Variants in BRPF3 observed in about 807,000 individuals in gnomAD.
BRPF3 encodes the protein bromodomain and PHD finger-containing protein 3.
Under a neutral mutation model 102.0 loss-of-function variants are expected in BRPF3, and 18 were observed. The ratio of observed to expected loss-of-function variants is 0.18; its 90% confidence interval spans 0.12 to 0.26. BRPF3 has a LOEUF of 0.26. BRPF3 is among the 10% of genes least tolerant of loss of function. The pLI, the probability that BRPF3 is intolerant of heterozygous loss-of-function variation, is 1.00. For missense variants in BRPF3, 1,147 were observed against 1,567.8 expected (o/e 0.73, Z 4.53); for synonymous variants, 570 against 614.2 (o/e 0.93, Z 1.06).
intron 8 of BRPF3, among the ~76,000 whole-genome samples, chr6:36,216,075 T>A (rs6457892): frequency 6.6e-5 from 10 of 152,116 alleles, no homozygotes; most frequent in African/African-American, 2.2e-4. Context: ...AAGGCCTGGA[T>A]TTAGGCATAC....
At chr6:36,198,433 A>T (rs762157361) in intron 1 of BRPF3, among the ~76,000 whole-genome samples, 1 of 152,148 alleles carries the variant, frequency 6.6e-6, no homozygotes, top group Non-Finnish European at 1.5e-5. Flanking sequence ...TTTGTACCAG[A>T]CCATAGCACC....
In BRPF3 at chr6:36,211,266, A is replaced by G. The variant is rs1015693261; in HGVS notation, c.2188A>G (p.Ile730Val). Residue 730 changes from isoleucine to valine, a missense_variant, in exon 7 of 13, where the codon ATC becomes GTC. Physicochemically the swap from Ile to Val is conservative, Grantham distance 29. Coordinates refer to ENST00000357641, the MANE Select transcript of BRPF3 (RefSeq NM_015695.3). The part of the protein sequence containing the change: ...YRFSWEDVDN[I>V]LIPENRAHLS... ...TCCCTTCTCCCTGGCAGTGGACAAC[A>G]TCCTCATCCCAGAGAACCGGGCCCA... 3 of 1,613,230 alleles carry G rather than the reference A, an allele frequency of 1.9e-6. No individual in the cohort carries two copies. The highest frequency in any genetic ancestry group is 1.7e-4 in the Middle Eastern group (1 of 6,042).
At position 36,230,334 on chromosome 6, in the gene BRPF3, G is replaced by A; in HGVS notation, c.3435-92G>A. 7.5e-7 allele frequency: 1 copy of A among 1,335,176 alleles called. No individual in the cohort carries two copies. Among genetic ancestry groups the A allele is most frequent in the Non-Finnish European group, 1.1e-6 (1 of 950,486 alleles). 82.7% of individuals were successfully genotyped at this position (1,335,176 alleles called of 1,614,324 possible). On this transcript the variant is annotated intron_variant, in intron 12 of 12. Transcript: ENST00000357641. The surrounding 1 kb of genome is among the most constrained non-coding windows in gnomAD (Gnocchi z 5.4). The stretch of plus-strand genomic sequence containing the variant: ...CCCTCTGCCCTGTACCCTCTCCCTG[G>A]CTTTGCTGGTCCTGGCCAAGTGGGG...
intron 8 of BRPF3, among the ~76,000 whole-genome samples, chr6:36,214,878 G>A (rs1294606678): frequency 1.3e-5 from 2 of 152,130 alleles, no homozygotes; most frequent in African/African-American, 4.8e-5. Context: ...GGTTTTCTAA[G>A]GAGGTAACGT....
intron 8 of BRPF3, among the ~76,000 whole-genome samples, chr6:36,217,418 C>G (rs969693851): frequency 2.0e-5 from 3 of 152,202 alleles, no homozygotes; most frequent in African/African-American, 7.2e-5. Flanking sequence ...TCTCTAGTCT[C>G]TCTTGACACC....
chr6:36,209,976 G>A, intron 5 of BRPF3, 61 bp downstream of exon 5: 1 of 1,597,542 alleles, frequency 6.3e-7, no homozygotes. Flanking sequence ...GGTCTGAGTA[G>A]GCTAGGAAGG....
At chr6:36,217,842 T>G (rs1581977065) in intron 8 of BRPF3, 75 bp from the exon 9 acceptor site, 1 of 1,296,670 alleles carries the variant, frequency 7.7e-7, no homozygotes, top group African/African-American at 1.5e-5. Context: ...CCTCCTGAGG[T>G]GGCTGCCTCA....
intron 8 of BRPF3, among the ~76,000 whole-genome samples, chr6:36,215,778 C>T (rs1768309013): frequency 6.6e-6 from 1 of 152,030 alleles, no homozygotes; most frequent in Non-Finnish European, 1.5e-5. Context: ...GGAGCCAAGA[C>T]TGGATGGGTG....
chr6:36,205,234 G>A (rs1006980969), intron 3 of BRPF3, among the ~76,000 whole-genome samples: 2 of 152,228 alleles, frequency 1.3e-5, no homozygotes, highest in African/African-American at 4.8e-5. Context: ...CTAAGTTGTA[G>A]CACACAGCCT....
In BRPF3 at chr6:36,209,883, C is replaced by T. The variant is rs1301556994; in HGVS notation, c.1834C>T (p.His612Tyr). ...LDLLQEKDPA[H>Y]IFAEPVNLSE... Reference sequence around the variant, plus strand: ...CCTGCTGCAGGAGAAGGATCCTGCACACATCTTCGCAGAACCAGTCAACTT... The same window carrying T: ...CCTGCTGCAGGAGAAGGATCCTGCATACATCTTCGCAGAACCAGTCAACTT... Residue 612 changes from histidine (H) to tyrosine (Y), a missense_variant, in exon 5 of 13, where the codon CAC becomes TAC. His to Tyr is a moderately conservative substitution (Grantham distance 83, BLOSUM62 2). Around this residue, in one of 11 missense-constraint regions of BRPF3, gnomAD observed 44 missense variants for 38.6 expected, o/e 1.14. Coordinates refer to ENST00000357641, the MANE Select transcript of BRPF3 (RefSeq NM_015695.3). 11 of 1,614,164 alleles carry T rather than the reference C, an allele frequency of 6.8e-6. No individual in the cohort carries two copies. The highest frequency in any genetic ancestry group is 9.3e-6 in the Non-Finnish European group (11 of 1,180,004).
chr6:36,201,847 G>C lies in BRPF3; in HGVS notation c.1448+77G>C. ...GGTGTTGGCCCTGTGCCAGGCCTTC[G>C]CTAAACACAGTTGGACACTATATCC... On this transcript the variant is annotated intron_variant, in intron 2 of 12. Coordinates refer to ENST00000357641, the MANE Select transcript of BRPF3 (RefSeq NM_015695.3). The surrounding 1 kb of genome is among the most constrained non-coding windows in gnomAD (Gnocchi z 5.1). 1 of 1,514,230 alleles carries C rather than the reference G, an allele frequency of 6.6e-7. No homozygotes were observed. Among genetic ancestry groups the C allele is most frequent in the African/African-American group, 1.4e-5 (1 of 71,694 alleles). The allele number at this position is 1,514,230 out of a possible 1,614,324, so 93.8% of individuals were successfully genotyped here. A position where few individuals can be genotyped will look rare whatever the true frequency, so the allele number is the denominator to read the frequency against.
rs556946533 is a variant in BRPF3, at chr6:36,227,696, G to A, written c.3280-1206G>A. ...AAGGAAGCTTACAAGGGCTTGTATG[G>A]TGGTTCTCCTTAAGACCCTTTACTT... is the stretch of plus-strand genomic sequence containing the variant. On this transcript the variant is annotated intron_variant, in intron 11 of 12. Coordinates refer to ENST00000357641, the MANE Select transcript of BRPF3 (RefSeq NM_015695.3). Among the ~76,000 whole-genome samples the A allele has an allele frequency of 2.6e-5, 4 of 152,310 alleles. No homozygotes were observed. In the South Asian group the frequency reaches 8.3e-4, roughly 32 times the overall value.
intron 11 of BRPF3, 123 bp downstream of exon 11, chr6:36,225,487 G>C (rs1221518449): frequency 5.9e-6 from 5 of 848,348 alleles, no homozygotes; most frequent in African/African-American, 3.4e-5. Context: ...AGGGGAGGGG[G>C]GTTTTGCCCC....
At chr6:36,221,687 T>C (rs1768549530) in intron 9 of BRPF3, among the ~76,000 whole-genome samples, 2 of 152,200 alleles carry the variant, frequency 1.3e-5, no homozygotes, top group Non-Finnish European at 2.9e-5. Flanking sequence ...TTTAAAAATG[T>C]CTTTTCTAAT....
Position 36,222,248 on chromosome 6 carries a change from C to CAGG in BRPF3, c.3164_3165insAGG (p.Ser1055_Asp1056insGly). ...TTCCTGGAAGGTGTGAACGGAGACTCTGACTACAATGGCTCAGGTGAGGAG... is the reference window on the plus strand; with the variant it reads ...TTCCTGGAAGGTGTGAACGGAGACTCAGGTGACTACAATGGCTCAGGTGAGGAG... On this transcript the variant is annotated inframe_insertion, in exon 10 of 13. Transcript: ENST00000357641. The CAGG allele has an allele frequency of 6.5e-7, 1 of 1,549,928 alleles. No homozygotes were observed. Among genetic ancestry groups the CAGG allele is most frequent in the Non-Finnish European group, 8.7e-7 (1 of 1,147,082 alleles).
In BRPF3 at chr6:36,221,663, AT is replaced by A. The variant is rs930841374; in HGVS notation, c.3084-496del. Reference sequence around the variant, plus strand: ...TAAACCATTTGGAAGTGAGAAGTGCATTTTTTTTTCCAATTTAAAAATGTCT... The same window carrying A: ...TAAACCATTTGGAAGTGAGAAGTGCATTTTTTTTCCAATTTAAAAATGTCT... On this transcript the variant is annotated intron_variant, in intron 9 of 12. Coordinates refer to ENST00000357641, the MANE Select transcript of BRPF3 (RefSeq NM_015695.3). Among the ~76,000 whole-genome samples, 11 of 151,612 alleles carry A rather than the reference AT, an allele frequency of 7.3e-5. No individual in the cohort carries two copies. In the East Asian group the frequency reaches 7.7e-4, roughly 11 times the overall value.
chr6:36,232,435 C>G lies in BRPF3; in HGVS notation c.*1826C>G, dbSNP rs1391362243. 1 of 152,586 alleles carries G rather than the reference C, an allele frequency of 6.6e-6. No homozygotes were observed. The highest frequency in any genetic ancestry group is 1.5e-5 in the Non-Finnish European group (1 of 68,054). 9.5% of individuals were successfully genotyped at this position (152,586 alleles called of 1,614,324 possible). A position where few individuals can be genotyped will look rare whatever the true frequency, so the allele number is the denominator to read the frequency against. On this transcript the variant is annotated 3_prime_UTR_variant, in exon 13 of 13. Transcript: ENST00000357641. Reference sequence around the variant, plus strand: ...CTCTTTCTATGTCTATCTCTTCCCCCCAACACTTTCTCTTCTTAGTCTCTC... The same window carrying G: ...CTCTTTCTATGTCTATCTCTTCCCCGCAACACTTTCTCTTCTTAGTCTCTC...
chr6:36,228,651 G>C (rs546257893), intron 11 of BRPF3, among the ~76,000 whole-genome samples: 2 of 152,284 alleles, frequency 1.3e-5, no homozygotes, highest in South Asian at 4.1e-4. Context: ...ACCTAGGGAA[G>C]GCCCCCAAAC....
In BRPF3 at chr6:36,200,395, T is replaced by G. The variant is rs1208783031; in HGVS notation, c.73T>G (p.Cys25Gly). 8 of 1,614,204 alleles carry G rather than the reference T, an allele frequency of 5.0e-6. No individual in the cohort carries two copies. The highest frequency in any genetic ancestry group is 6.8e-6 in the Non-Finnish European group (8 of 1,180,022). ...RRSPSPYSLK[C>G]SPTRETLTYA... The stretch of plus-strand genomic sequence containing the variant: ...TTCCCCGTCCCCCTACAGTCTCAAG[T>G]GCTCACCCACCCGGGAGACCCTGAC... Residue 25 changes from cysteine (C) to glycine (G), a missense_variant, in exon 2 of 13, where the codon TGC (cysteine) becomes GGC (glycine). Physicochemically the swap from Cys to Gly is radical, Grantham distance 159 (BLOSUM62 -3). Transcript: ENST00000357641. The surrounding 1 kb of genome is among the most constrained non-coding windows in gnomAD (Gnocchi z 5.3).
Sources: allele counts gnomAD v4.1 joint callset (sites outside exome capture counted in the v4.1 genomes callset), GRCh38; gene constraint gnomAD v4.1.1; regional missense constraint gnomAD v4.1.1; non-coding constraint Gnocchi (gnomAD v3.1); transcripts MANE v1.5; gene names NCBI Gene and HGNC (gene_info 2026-07-23, HGNC 2026-07-21).